The following AGBL4 variants were observed in gnomAD, a reference collection of about 807,000 sequenced individuals.
The protein encoded by AGBL4 is AGBL carboxypeptidase 4.
Under a neutral mutation model 66.4 loss-of-function variants are expected in AGBL4, and 58 were observed. The observed-to-expected ratio is 0.87, with a 90% CI of 0.71 to 1.09. The LOEUF is 1.09. AGBL4 is among the 50% of genes least tolerant of loss of function. AGBL4 has a pLI of 0.00. For synonymous variants in AGBL4, 234 were observed against 222.9 expected, an observed-to-expected ratio of 1.05 and a Z score of -0.44; for missense variants, 579 against 631.0, an observed-to-expected ratio of 0.92 and a Z score of 0.88.
chr1:49,818,956 T>C (rs1645298526), intron 2 of AGBL4, among the ~76,000 whole-genome samples: 1 of 152,200 alleles, frequency 6.6e-6, no homozygotes, highest in South Asian at 2.1e-4. Flanking sequence ...AGGCCTTTGA[T>C]TTGACTAAAG....
At chr1:49,533,532 A>G (rs1207384935) in intron 3 of AGBL4, among the ~76,000 whole-genome samples, 28 of 152,058 alleles carry the variant, frequency 1.8e-4, no homozygotes. Flanking sequence ...GAATCAGATG[A>G]CTACTCAGGT....
chr1:49,950,449 G>A (rs1271981760), intron 1 of AGBL4, among the ~76,000 whole-genome samples: 1 of 151,328 alleles, frequency 6.6e-6, no homozygotes, highest in African/African-American at 2.4e-5. Flanking sequence ...TACAAATTTG[G>A]TGCAGCATAT....
intron 2 of AGBL4, among the ~76,000 whole-genome samples, chr1:49,793,047 C>A (rs564699574): frequency 2.0e-5 from 3 of 151,926 alleles, no homozygotes; most frequent in African/African-American, 2.4e-5. Flanking sequence ...TGACTACCAC[C>A]TAACCAAACA....
intron 1 of AGBL4, among the ~76,000 whole-genome samples, chr1:49,907,787 T>C (rs1650422123): frequency 6.6e-6 from 1 of 151,958 alleles, no homozygotes. Context: ...CTGTACAAAA[T>C]CAAGAGTTAA....
rs1055163886 is a variant in AGBL4 at position 49,585,408 on chromosome 1, C to T, written c.282+111905G>A. ...AGCCCGTGTGGCAAGGAACTGCTGG[C>T]AGCATCTAGGAAATGCAGAAGATAG... On this transcript the variant is annotated intron_variant, in intron 3 of 13. Coordinates refer to ENST00000371839, the MANE Select transcript of AGBL4 (RefSeq NM_032785.4). Among the ~76,000 whole-genome samples, 4 of 152,218 alleles carry T rather than the reference C, an allele frequency of 2.6e-5. No individual in the cohort carries two copies. In the South Asian group the frequency reaches 8.3e-4, roughly 32 times the overall value.
intron 2 of AGBL4, among the ~76,000 whole-genome samples, chr1:49,735,805 A>G (rs568395518): frequency 6.6e-6 from 1 of 152,170 alleles, no homozygotes; most frequent in African/African-American, 2.4e-5. Context: ...TCTCTTCAAA[A>G]GACAGTACTA....
chr1:50,017,343 C>T (rs1466816519), intron 1 of AGBL4: 1 of 152,108 alleles, frequency 6.6e-6, no homozygotes, highest in Non-Finnish European at 1.5e-5. Context: ...GCATACTTCT[C>T]CTTACATGAC....
intron 5 of AGBL4, among the ~76,000 whole-genome samples, chr1:48,991,635 C>T (rs538323961): frequency 1.3e-5 from 2 of 152,144 alleles, no homozygotes; most frequent in African/African-American, 4.8e-5. Flanking sequence ...GAGGATACTT[C>T]CCTAGTCTTG....
At chr1:48,540,616 C>G (rs150298832) in intron 11 of AGBL4, among the ~76,000 whole-genome samples, 1 of 152,260 alleles carries the variant, frequency 6.6e-6, no homozygotes, top group East Asian at 1.9e-4. Context: ...ACTTTCATGA[C>G]TCCTGAACTG....
At chr1:48,610,362 A>G (rs1645218650) in intron 9 of AGBL4, among the ~76,000 whole-genome samples, 1 of 152,140 alleles carries the variant, frequency 6.6e-6, no homozygotes, top group South Asian at 2.1e-4. Context: ...ACTGGTTAGG[A>G]TGCATTTTTC....
intron 2 of AGBL4, among the ~76,000 whole-genome samples, chr1:49,731,887 G>A (rs1315129156): frequency 6.6e-6 from 1 of 152,150 alleles, no homozygotes; most frequent in Non-Finnish European, 1.5e-5. Context: ...AAAAATCAGA[G>A]AAGGATTTGA....
intron 6 of AGBL4, among the ~76,000 whole-genome samples, chr1:48,864,272 T>G (rs1412467468): frequency 1.3e-5 from 2 of 152,126 alleles, no homozygotes; most frequent in African/African-American, 4.8e-5. Flanking sequence ...CTGGCAAAAT[T>G]TATAAGTCTG....
intron 11 of AGBL4, 185 bp downstream of exon 11, chr1:48,586,819 G>T (rs1644828633): frequency 4.3e-6 from 3 of 703,754 alleles, no homozygotes; most frequent in African/African-American, 1.8e-5. Context: ...TGGGGTAGGA[G>T]TATCATACTA....
At chr1:48,751,158 A>G (rs1325663467) in intron 6 of AGBL4, among the ~76,000 whole-genome samples, 1 of 152,214 alleles carries the variant, frequency 6.6e-6, no homozygotes, top group Non-Finnish European at 1.5e-5. Flanking sequence ...CTAAAGAGAC[A>G]ATTTCTAAGA....
intron 4 of AGBL4, among the ~76,000 whole-genome samples, chr1:49,239,842 A>T (rs1651077668): frequency 6.6e-6 from 1 of 152,052 alleles, no homozygotes; most frequent in South Asian, 2.1e-4. Flanking sequence ...ACAGATAATA[A>T]ATAAATAATA....
chr1:48,906,496 A>C (rs1326730973), intron 5 of AGBL4, among the ~76,000 whole-genome samples: 1 of 152,136 alleles, frequency 6.6e-6, no homozygotes, highest in Non-Finnish European at 1.5e-5. Context: ...AATTCTACAG[A>C]GGAAATGGTT....
At chr1:49,424,055 T>A (rs147050031) in intron 3 of AGBL4, among the ~76,000 whole-genome samples, 438 of 152,198 alleles carry the variant, frequency 2.9e-3, no homozygotes, top group African/African-American at 0.01. Flanking sequence ...AGGAAACACA[T>A]CCCCAACACC....
At chr1:48,564,574 C>T (rs761017768) in intron 11 of AGBL4, among the ~76,000 whole-genome samples, 4 of 152,214 alleles carry the variant, frequency 2.6e-5, no homozygotes, top group Non-Finnish European at 5.9e-5. Flanking sequence ...CTTCCCCTGC[C>T]TATCAACTTG....
chr1:49,681,431 T>G (rs1646691342), intron 3 of AGBL4, among the ~76,000 whole-genome samples: 1 of 152,166 alleles, frequency 6.6e-6, no homozygotes, highest in Admixed American at 6.6e-5. Context: ...TCCACTTGCC[T>G]TATATTGATA....
Sources: gnomAD v4.1 joint callset for allele counts (sites outside exome capture counted in the v4.1 genomes callset) on GRCh38, gnomAD v4.1.1 for gene constraint, MANE v1.5 for transcripts, NCBI Gene and HGNC (gene_info 2026-07-23, HGNC 2026-07-21) for gene names.